PANK1: variants seen among roughly 807,000 people sequenced by gnomAD.
PANK1 encodes the protein pantothenic acid kinase 1.
Under a neutral mutation model 40.1 loss-of-function variants are expected in PANK1, and 18 were observed. That is an observed-to-expected ratio of 0.45 (90% CI 0.31 to 0.67). The LOEUF (loss-of-function observed/expected upper bound fraction) is 0.67. Among genes scored for constraint, PANK1 ranks in the 30% least tolerant of loss-of-function variants. PANK1 has a pLI of 0.06. For synonymous variants in PANK1, 242 were observed against 237.7 expected (o/e 1.02, Z -0.17); for missense variants, 457 against 599.6 (o/e 0.76, Z 2.48).
At chr10:89,595,951 T>C (rs1395393351) in intron 3 of PANK1, among the ~76,000 whole-genome samples, 3 of 148,330 alleles carry the variant, frequency 2.0e-5, no homozygotes, top group Non-Finnish European at 4.5e-5. Flanking sequence ...TGGAAAATTA[T>C]GTAGCTAGGT....
intron 1 of PANK1, among the ~76,000 whole-genome samples, chr10:89,612,736 C>A (rs988628253): frequency 2.0e-5 from 3 of 152,216 alleles, no homozygotes; most frequent in African/African-American, 7.2e-5. Flanking sequence ...ACAGAGACAT[C>A]CTCTCTATTC....
chr10:89,608,311 G>A (rs909626526), intron 2 of PANK1, among the ~76,000 whole-genome samples: 6 of 152,118 alleles, frequency 3.9e-5, no homozygotes, highest in Non-Finnish European at 8.8e-5. Flanking sequence ...GATTACAGGC[G>A]TGAGCCACCG....
At position 89,593,765 on chromosome 10, in the gene PANK1, G is replaced by T. The variant is rs776498984; in HGVS notation, c.1076+48C>A. 4.2e-5 allele frequency: 59 copies of T among 1,418,228 alleles called. No individual in the cohort carries two copies. In the East Asian group the frequency reaches 1.3e-3, roughly 32 times the overall value. The allele number at this position is 1,418,228 out of a possible 1,614,324, so 87.9% of individuals were successfully genotyped here. On this transcript the variant is annotated intron_variant, in intron 4 of 6. Coordinates refer to ENST00000307534, the MANE Select transcript of PANK1 (RefSeq NM_148977.3). ...ACTTAGTGAATGGCCAGGGTGGAGA[G>T]GCTGCCTTGTGTTTAATCACTACTG...
intron 3 of PANK1, among the ~76,000 whole-genome samples, chr10:89,598,577 T>C (rs1844678632): frequency 6.6e-6 from 1 of 152,222 alleles, no homozygotes; most frequent in African/African-American, 2.4e-5. Flanking sequence ...TGTGATGTCT[T>C]AGAGAGATCT....
downstream of PANK1, chr10:89,580,242 A>G (rs1461596436): frequency 1.4e-5 from 2 of 140,674 alleles, no homozygotes; most frequent in Admixed American, 6.7e-5. Context: ...CACAATAGGG[A>G]AAAAAATGGA....
intron 1 of PANK1, among the ~76,000 whole-genome samples, chr10:89,630,388 C>A (rs888290442): frequency 1.3e-5 from 2 of 152,168 alleles, no homozygotes; most frequent in Non-Finnish European, 2.9e-5. Context: ...TAATTCAGTT[C>A]TCATAACCCA....
Position 89,583,316 on chromosome 10 carries a change from G to A in PANK1, c.*1090C>T, listed in dbSNP as rs1844092454. 1 of 152,102 alleles carries A rather than the reference G, an allele frequency of 6.6e-6. No individual in the cohort carries two copies. Among genetic ancestry groups the A allele is most frequent in the African/African-American group, 2.4e-5 (1 of 41,422 alleles). The allele number at this position is 152,102 out of a possible 1,614,324, so 9.4% of individuals were successfully genotyped here. On this transcript the variant is annotated 3_prime_UTR_variant, in exon 7 of 7. Coordinates refer to ENST00000307534, the MANE Select transcript of PANK1 (RefSeq NM_148977.3). ...TTTTAGAAACTGAGATTGAAGTACA[G>A]TTTTTAGTTTAAAATATTAAAAATG... is the stretch of plus-strand genomic sequence containing the variant.
At chr10:89,587,260 T>G (rs1027747039) in intron 6 of PANK1, among the ~76,000 whole-genome samples, 2 of 152,238 alleles carry the variant, frequency 1.3e-5, no homozygotes, top group Non-Finnish European at 2.9e-5. Context: ...CAAGCACTTC[T>G]GTTCTTACCA....
intron 1 of PANK1, chr10:89,613,916 C>CTGTA (rs1845239666): frequency 1.5e-5 from 7 of 454,558 alleles, no homozygotes; most frequent in Non-Finnish European, 2.7e-5. Flanking sequence ...AAGTAGCTCA[C>CTGTA]TGTAGCTCCT....
At chr10:89,618,549 T>C (rs1589798100) in intron 1 of PANK1, among the ~76,000 whole-genome samples, 1 of 152,152 alleles carries the variant, frequency 6.6e-6, no homozygotes, top group African/African-American at 2.4e-5. Flanking sequence ...GAGACAAATA[T>C]CCGGTAACCA....
chr10:89,582,218 A>G (rs1421579059), downstream of PANK1: 1 of 152,186 alleles, frequency 6.6e-6, no homozygotes, highest in Admixed American at 6.5e-5. Context: ...CCTCACGATA[A>G]AAAGCCATGC....
chr10:89,619,502 G>C (rs1367439552), intron 1 of PANK1, among the ~76,000 whole-genome samples: 1 of 152,196 alleles, frequency 6.6e-6, no homozygotes, highest in Non-Finnish European at 1.5e-5. Flanking sequence ...TAAAATCTGA[G>C]TTTCTCTATA....
At chr10:89,588,845 T>G in intron 5 of PANK1, 68 bp from the exon 6 acceptor site, 1 of 1,168,166 alleles carries the variant, frequency 8.6e-7, no homozygotes. Context: ...AGACCCAATG[T>G]TCTGTATGTC....
At chr10:89,623,167 G>A (rs994974330) in intron 1 of PANK1, among the ~76,000 whole-genome samples, 1 of 151,994 alleles carries the variant, frequency 6.6e-6, no homozygotes, top group Non-Finnish European at 1.5e-5. Flanking sequence ...CATGGATTGG[G>A]GTGATGTTTT....
At chr10:89,588,871 G>T in intron 5 of PANK1, 94 bp from the exon 6 acceptor site, 1 of 803,590 alleles carries the variant, frequency 1.2e-6, no homozygotes, top group South Asian at 3.3e-5. Context: ...ACAGAACCTT[G>T]AAGAGTGAAT....
chr10:89,591,156 T>C (rs1269094589), intron 5 of PANK1, among the ~76,000 whole-genome samples: 1 of 152,184 alleles, frequency 6.6e-6, no homozygotes, highest in African/African-American at 2.4e-5. Context: ...GAATGCTATA[T>C]AGAGTTTGCT....
At chr10:89,608,797 T>C (rs1204826936) in intron 2 of PANK1, among the ~76,000 whole-genome samples, 2 of 152,238 alleles carry the variant, frequency 1.3e-5, no homozygotes, top group East Asian at 3.8e-4. Flanking sequence ...ATACGTACAG[T>C]AGTATATATT....
chr10:89,597,733 C>T (rs915414600), intron 3 of PANK1, among the ~76,000 whole-genome samples: 4 of 152,132 alleles, frequency 2.6e-5, no homozygotes, highest in African/African-American at 9.7e-5. Context: ...ACTAGCTTTA[C>T]CAATTCAATT....
rs1193279037 is a variant in PANK1 at position 89,622,630 on chromosome 10, T to C, written c.293-10582A>G. On this transcript the variant is annotated intron_variant, in intron 1 of 6. Coordinates refer to ENST00000307534, the MANE Select transcript of PANK1 (RefSeq NM_148977.3). ...GTGGGCGGATCACGAGGTCAGGAGATTGAGACCAGCCTGGCCAACATGGTG... is the reference window on the plus strand; with the variant it reads ...GTGGGCGGATCACGAGGTCAGGAGACTGAGACCAGCCTGGCCAACATGGTG... Among the ~76,000 whole-genome samples, 3 of 152,204 alleles carry C rather than the reference T, an allele frequency of 2.0e-5. No homozygotes were observed. In the East Asian group the frequency reaches 5.8e-4, roughly 29 times the overall value.
Sources: gnomAD v4.1 joint callset for allele counts (sites outside exome capture counted in the v4.1 genomes callset) on GRCh38, gnomAD v4.1.1 for gene constraint, MANE v1.5 for transcripts, NCBI Gene and HGNC (gene_info 2026-07-23, HGNC 2026-07-21) for gene names.